The following TTC39C variants were observed in gnomAD, a reference collection of about 807,000 sequenced individuals.
TTC39C encodes the protein tetratricopeptide repeat protein 39C.
TTC39C carries 33 observed loss-of-function variants against 76.3 expected under a neutral mutation model. The ratio of observed to expected loss-of-function variants is 0.43; its 90% CI spans 0.33 to 0.58. TTC39C has a LOEUF of 0.58. TTC39C is among the 20% of genes least tolerant of loss of function. The pLI is 0.04. For synonymous variants in TTC39C, 254 were observed against 260.6 expected (o/e 0.97, Z 0.24); for missense variants, 595 against 701.4 (o/e 0.85, Z 1.71).
intron 1 of TTC39C, among the ~76,000 whole-genome samples, chr18:24,046,230 G>C (rs1051981491): frequency 6.6e-6 from 1 of 151,652 alleles, no homozygotes; most frequent in Non-Finnish European, 1.5e-5. Context: ...GAGCCACCGT[G>C]CCCAGCCTGT....
At chr18:24,092,868 T>C (rs189547627) in intron 6 of TTC39C, among the ~76,000 whole-genome samples, 1 of 152,184 alleles carries the variant, frequency 6.6e-6, no homozygotes, top group Non-Finnish European at 1.5e-5. Context: ...GTGGACCAGT[T>C]GAGCCCAGAA....
intron 1 of TTC39C, among the ~76,000 whole-genome samples, chr18:24,005,541 T>C (rs543668120): frequency 1.3e-5 from 2 of 152,162 alleles, no homozygotes; most frequent in East Asian, 1.9e-4. Context: ...TACACAAAAG[T>C]CACCATTTAA....
Position 24,034,835 on chromosome 18 carries a change from C to T in TTC39C, c.167+19797C>T, listed in dbSNP as rs558304620. On this transcript the variant is annotated intron_variant, in intron 1 of 13. Transcript: ENST00000317571. ...TCTGTTTTTAAGGCTAAATAATATT[C>T]CATTGTTTGTATATGCCACATTTTG... is the stretch of plus-strand genomic sequence containing the variant. 7.0e-4 allele frequency among the ~76,000 whole-genome samples: 107 copies of T among 152,270 alleles called. 3 individuals carry two copies. The South Asian group carries it at 0.021, about 30-fold the overall frequency.
At chr18:24,025,069 A>G (rs746130803) in intron 1 of TTC39C, among the ~76,000 whole-genome samples, 14 of 152,128 alleles carry the variant, frequency 9.2e-5, no homozygotes, top group African/African-American at 2.9e-4. Context: ...GGGTTCTGCC[A>G]TGTTAGCTAG....
At position 24,007,598 on chromosome 18, in the gene TTC39C, G is replaced by A. The variant is rs1030103527; in HGVS notation, c.-17+14560G>A. Among the ~76,000 whole-genome samples, 5 of 152,268 alleles carry A rather than the reference G, an allele frequency of 3.3e-5. No individual in the cohort carries two copies. The East Asian group carries it at 7.7e-4, about 23-fold the overall frequency. On this transcript the variant is annotated intron_variant, in intron 1 of 13. Coordinates refer to the TTC39C transcript ENST00000304621. ...AGGGTTTCACCATGTTTGCCAGGCT[G>A]GTCTGGAACTTCTGACCTCAGGTGA...
rs57041641 is a variant in TTC39C at position 24,123,795 on chromosome 18, T to C, written c.1187-39T>C. The stretch of plus-strand genomic sequence containing the variant: ...CAGGTATCCCTTATGGCATTTTCCC[T>C]GACTTGTACTTAAGAAATATAATTA... On this transcript the variant is annotated intron_variant, in intron 8 of 13. Transcript: ENST00000317571. 5,388 of 1,501,344 alleles carry C rather than the reference T, an allele frequency of 3.6e-3. 172 individuals carry two copies. The African/African-American group carries it at 0.066, about 18-fold the overall frequency. The allele number at this position is 1,501,344 out of a possible 1,614,324, so 93.0% of individuals were successfully genotyped here.
At chr18:24,128,204 G>GA (rs1264504082) in intron 10 of TTC39C, among the ~76,000 whole-genome samples, 1 of 152,196 alleles carries the variant, frequency 6.6e-6, no homozygotes, top group Non-Finnish European at 1.5e-5. Flanking sequence ...ATGAATGAAT[G>GA]AACAAGTGAG....
intron 1 of TTC39C, among the ~76,000 whole-genome samples, chr18:23,999,190 C>A (rs953333175): frequency 1.3e-5 from 2 of 152,174 alleles, no homozygotes; most frequent in African/African-American, 2.4e-5. Context: ...ACCTTCGAAA[C>A]CTAAGCCTTC....
At chr18:24,111,421 T>C (rs2084807895) in intron 6 of TTC39C, among the ~76,000 whole-genome samples, 1 of 151,646 alleles carries the variant, frequency 6.6e-6, no homozygotes, top group Non-Finnish European at 1.5e-5. Flanking sequence ...ATATAAAAAT[T>C]AGCCAGGCGC....
At chr18:23,997,719 A>AAAGAAACC in intron 1 of TTC39C, among the ~76,000 whole-genome samples, 1 of 151,468 alleles carries the variant, frequency 6.6e-6, no homozygotes, top group Non-Finnish European at 1.5e-5. Flanking sequence ...AGAAAGAAAG[A>AAAGAAACC]AAGAAACCAA....
intron 1 of TTC39C, among the ~76,000 whole-genome samples, chr18:24,027,491 C>T (rs1287478447): frequency 6.6e-6 from 1 of 151,466 alleles, no homozygotes; most frequent in Non-Finnish European, 1.5e-5. Flanking sequence ...TGCTCACCCG[C>T]ATCTTTATTT....
intron 8 of TTC39C, 97 bp from the exon 9 acceptor site, chr18:24,123,737 T>C: frequency 1.2e-6 from 1 of 838,166 alleles, no homozygotes; most frequent in Non-Finnish European, 1.8e-6. Context: ...ACATATTTGC[T>C]CCTGCTTTTT....
chr18:24,086,108 TG>T (rs1053368385), intron 6 of TTC39C, among the ~76,000 whole-genome samples: 18 of 152,230 alleles, frequency 1.2e-4, no homozygotes, highest in African/African-American at 4.1e-4. Flanking sequence ...CCAATGAATT[TG>T]CTTACAAAGA....
intron 6 of TTC39C, among the ~76,000 whole-genome samples, chr18:24,093,382 G>C (rs1439788049): frequency 6.6e-6 from 1 of 151,990 alleles, no homozygotes; most frequent in African/African-American, 2.4e-5. Context: ...GGGAGGCTGA[G>C]GCAGGAGAAT....
intron 6 of TTC39C, among the ~76,000 whole-genome samples, chr18:24,107,087 C>T (rs2084753213): frequency 6.6e-6 from 1 of 152,110 alleles, no homozygotes; most frequent in Non-Finnish European, 1.5e-5. Context: ...GAATCTTTTG[C>T]TGGGTTTTAT....
At chr18:24,123,236 A>ACT (rs2084996553) in intron 8 of TTC39C, among the ~76,000 whole-genome samples, 1 of 152,152 alleles carries the variant, frequency 6.6e-6, no homozygotes, top group Non-Finnish European at 1.5e-5. Flanking sequence ...ACAGTAGCTA[A>ACT]GGATTTTGTT....
chr18:24,129,439 G>C (rs948281463), intron 11 of TTC39C, among the ~76,000 whole-genome samples: 2 of 152,102 alleles, frequency 1.3e-5, no homozygotes, highest in African/African-American at 4.8e-5. Flanking sequence ...TTGTTTTGAA[G>C]AAGTATATAT....
intron 1 of TTC39C, chr18:24,016,763 G>C (rs2083458906): frequency 2.5e-6 from 1 of 398,576 alleles, no homozygotes; most frequent in African/African-American, 2.1e-5. Flanking sequence ...GAGGTGTCCA[G>C]GGAATATTTA....
chr18:24,020,377 A>G (rs2083503945), intron 1 of TTC39C: 4 of 884,886 alleles, frequency 4.5e-6, no homozygotes, highest in African/African-American at 1.8e-5. Context: ...TACCTGTGCT[A>G]TAGTGTAAGT....
Sources: gnomAD v4.1 joint callset for allele counts (sites outside exome capture counted in the v4.1 genomes callset) on GRCh38, gnomAD v4.1.1 for gene constraint, MANE v1.5 for transcripts, NCBI Gene and HGNC (gene_info 2026-07-23, HGNC 2026-07-21) for gene names.